ZNF532: variants seen among roughly 807,000 people sequenced by gnomAD.
ZNF532 encodes the protein zinc finger protein 532.
A neutral mutation model predicts 89.3 loss-of-function variants in ZNF532; 22 were observed. That is an observed-to-expected ratio of 0.25 (90% confidence interval 0.18 to 0.35). ZNF532 has a LOEUF of 0.35. Among genes scored for constraint, ZNF532 ranks in the 10% least tolerant of loss-of-function variants. ZNF532 has a pLI of 1.00. For missense variants in ZNF532, 1,132 were observed against 1,643.4 expected, an observed-to-expected ratio of 0.69 and a Z score of 5.38; for synonymous variants, 606 against 649.6, an observed-to-expected ratio of 0.93 and a Z score of 1.02.
intron 5 of ZNF532, among the ~76,000 whole-genome samples, chr18:58,942,349 CCCTTCCTTCCTTCCTTCCTT>C (rs1179053195): frequency 0.028 from 1,180 of 42,754 alleles, 67 homozygotes; most frequent in East Asian, 0.12. Flanking sequence ...CTCCCTCCCT[CCCTTCCTTCCTTCCTTCCTT>C]CCTTCCTTCC....
intron 6 of ZNF532, among the ~76,000 whole-genome samples, chr18:58,951,646 G>GTTTTTT (rs3039758): frequency 2.9e-4 from 21 of 72,596 alleles, no homozygotes; most frequent in Admixed American, 7.5e-4. Context: ...TCGCCCTGTT[G>GTTTTTT]TTTTTTTTTT....
intron 2 of ZNF532, among the ~76,000 whole-genome samples, 154 bp downstream of exon 2, chr18:58,865,733 G>A (rs1178703488): frequency 6.6e-6 from 1 of 152,236 alleles, no homozygotes; most frequent in Non-Finnish European, 1.5e-5. Context: ...GGATTAGAGT[G>A]ACTTTATGAT....
chr18:58,887,026 T>C (rs1230950638), intron 2 of ZNF532, among the ~76,000 whole-genome samples: 1 of 152,236 alleles, frequency 6.6e-6, no homozygotes, highest in Non-Finnish European at 1.5e-5. Context: ...CTTTACCAGA[T>C]ACCTGCAGGG....
chr18:58,928,943 T>A (rs1318568393), intron 3 of ZNF532, among the ~76,000 whole-genome samples: 1 of 152,242 alleles, frequency 6.6e-6, no homozygotes, highest in Non-Finnish European at 1.5e-5. Flanking sequence ...AAACCATGTC[T>A]AAATTTAACC....
chr18:58,870,301 A>G (rs1299821679), intron 2 of ZNF532, among the ~76,000 whole-genome samples: 1 of 152,158 alleles, frequency 6.6e-6, no homozygotes. Flanking sequence ...ATCTAGTGGA[A>G]GGAGCCCCCA....
intron 5 of ZNF532, among the ~76,000 whole-genome samples, chr18:58,943,998 G>A (rs1484344946): frequency 6.6e-6 from 1 of 152,176 alleles, no homozygotes; most frequent in African/African-American, 2.4e-5. Flanking sequence ...GGAGTCAGAG[G>A]AAGCTGAATT....
chr18:58,888,549 G>T (rs1481845753), intron 2 of ZNF532, among the ~76,000 whole-genome samples: 1 of 148,438 alleles, frequency 6.7e-6, no homozygotes, highest in Non-Finnish European at 1.5e-5. Context: ...GGTGACGCAC[G>T]CCTGTAACCC....
chr18:58,941,446 G>GTGGT (rs1233684346), intron 5 of ZNF532, among the ~76,000 whole-genome samples: 1 of 149,728 alleles, frequency 6.7e-6, no homozygotes, highest in Admixed American at 6.6e-5. Context: ...AATTATTCCA[G>GTGGT]TGGTTTCTTT....
chr18:58,935,964 T>G (rs1312749562), intron 4 of ZNF532, among the ~76,000 whole-genome samples: 1 of 152,214 alleles, frequency 6.6e-6, no homozygotes, highest in Non-Finnish European at 1.5e-5. Context: ...TTCTGCCCAG[T>G]TTTGCATTAA....
intron 2 of ZNF532, among the ~76,000 whole-genome samples, chr18:58,874,861 A>G (rs986038378): frequency 6.6e-6 from 1 of 152,156 alleles, no homozygotes; most frequent in African/African-American, 2.4e-5. Flanking sequence ...GACCATGCCT[A>G]GATACTTATA....
chr18:58,959,393 A>G (rs2065132566), intron 7 of ZNF532, among the ~76,000 whole-genome samples: 1 of 150,858 alleles, frequency 6.6e-6, no homozygotes, highest in African/African-American at 2.4e-5. Flanking sequence ...CCGAGTAGCT[A>G]GGACTACAGG....
intron 2 of ZNF532, among the ~76,000 whole-genome samples, chr18:58,894,081 G>A (rs1228408801): frequency 6.6e-6 from 1 of 152,210 alleles, no homozygotes; most frequent in Non-Finnish European, 1.5e-5. Flanking sequence ...GATTGCTGTG[G>A]CCTTTCTTTG....
At chr18:58,881,882 G>A (rs1568230199) in intron 2 of ZNF532, among the ~76,000 whole-genome samples, 1 of 152,162 alleles carries the variant, frequency 6.6e-6, no homozygotes, top group African/African-American at 2.4e-5. Context: ...CAGTATCTAT[G>A]TGTGCCTACT....
At chr18:58,914,897 T>C (rs543493234) in intron 2 of ZNF532, among the ~76,000 whole-genome samples, 46 of 152,292 alleles carry the variant, frequency 3.0e-4, no homozygotes, top group South Asian at 1.2e-3. Flanking sequence ...AGCAAAAGAA[T>C]CTATTTTTAA....
intron 3 of ZNF532, among the ~76,000 whole-genome samples, chr18:58,932,793 T>C (rs1160977468): frequency 3.3e-5 from 5 of 152,184 alleles, no homozygotes; most frequent in Admixed American, 2.0e-4. Context: ...ATTTGACTCA[T>C]GGTAGGATGG....
intron 3 of ZNF532, among the ~76,000 whole-genome samples, chr18:58,932,898 G>GTATA (rs375559499): frequency 3.3e-5 from 5 of 150,982 alleles, no homozygotes; most frequent in East Asian, 1.9e-4. Flanking sequence ...ATGTGTGTGT[G>GTATA]TATATATATA....
chr18:58,986,111 C>CT lies in ZNF532; in HGVS notation c.*1647dup, dbSNP rs1417740367. 1 of 152,614 alleles carries CT rather than the reference C, an allele frequency of 6.6e-6. No individual in the cohort carries two copies. Among genetic ancestry groups the CT allele is most frequent in the African/African-American group, 2.4e-5 (1 of 41,448 alleles). The allele number at this position is 152,614 out of a possible 1,614,324, so 9.5% of individuals were successfully genotyped here. On this transcript the variant is annotated 3_prime_UTR_variant, in exon 10 of 10. Transcript: ENST00000591808. ...TAGTAATCAGCTATTTTGTCACTTT[C>CT]TTGTTGACTCCATCAGTACATGGGT...
At chr18:58,938,165 C>A (rs2062631553) in intron 4 of ZNF532, among the ~76,000 whole-genome samples, 1 of 152,166 alleles carries the variant, frequency 6.6e-6, no homozygotes, top group Non-Finnish European at 1.5e-5. Context: ...TGGACACTGC[C>A]CCCCGGAAAC....
chr18:58,891,185 C>G (rs2145367555), intron 2 of ZNF532, among the ~76,000 whole-genome samples: 1 of 152,128 alleles, frequency 6.6e-6, no homozygotes, highest in South Asian at 2.1e-4. Flanking sequence ...TCCCAAAGTG[C>G]TGGGATCACA....
Sources: allele counts gnomAD v4.1 joint callset (sites outside exome capture counted in the v4.1 genomes callset), GRCh38; gene constraint gnomAD v4.1.1; transcripts MANE v1.5; gene names NCBI Gene and HGNC (gene_info 2026-07-23, HGNC 2026-07-21).